The following RAB14 variants were observed in gnomAD, a reference collection of about 807,000 sequenced individuals.
The protein encoded by RAB14 is RAB14, member RAS oncogene family.
A neutral mutation model predicts 31.1 loss-of-function variants in RAB14; 3 were observed. The observed-to-expected ratio is 0.10, with a 90% CI of 0.04 to 0.25. The LOEUF is 0.25. Ranked by LOEUF, RAB14 falls within the 10% of genes least tolerant of loss-of-function variation. RAB14 has a pLI of 1.00. For synonymous variants in RAB14, 85 were observed against 84.9 expected, an observed-to-expected ratio of 1.00 and a Z score of 0.00; for missense variants, 111 against 260.1, an observed-to-expected ratio of 0.43 and a Z score of 3.94.
At chr9:121,199,053 T>C (rs1017703405) in intron 1 of RAB14, among the ~76,000 whole-genome samples, 28 of 152,326 alleles carry the variant, frequency 1.8e-4, no homozygotes, top group African/African-American at 6.5e-4. Flanking sequence ...GATGGTCTTC[T>C]ATATACAGGA....
intron 2 of RAB14, among the ~76,000 whole-genome samples, chr9:121,192,490 A>G (rs973079673): frequency 6.6e-6 from 1 of 152,028 alleles, no homozygotes; most frequent in Non-Finnish European, 1.5e-5. Flanking sequence ...TTTTTAATGG[A>G]ATTTTTTTTA....
intron 5 of RAB14, 27 bp from the exon 6 acceptor site, chr9:121,183,425 C>T: frequency 6.6e-7 from 1 of 1,508,512 alleles, no homozygotes; most frequent in Non-Finnish European, 9.1e-7. Flanking sequence ...AGAAAGACAC[C>T]TTGTAACAAA....
At chr9:121,197,365 T>C (rs866739253) in intron 1 of RAB14, among the ~76,000 whole-genome samples, 21 of 152,308 alleles carry the variant, frequency 1.4e-4, no homozygotes, top group Middle Eastern at 3.4e-3. Context: ...ACTGTGAAAA[T>C]ATACCATTTT....
chr9:121,196,902 A>G (rs1013859028), intron 1 of RAB14, among the ~76,000 whole-genome samples: 36 of 152,172 alleles, frequency 2.4e-4, no homozygotes, highest in African/African-American at 8.7e-4. Flanking sequence ...TATAATTCTT[A>G]CTTAATTCTC....
At chr9:121,199,758 T>G (rs1047351372) in intron 1 of RAB14, among the ~76,000 whole-genome samples, 7 of 152,318 alleles carry the variant, frequency 4.6e-5, no homozygotes, top group African/African-American at 1.7e-4. Flanking sequence ...GCCTAACACA[T>G]GCCAGCTACT....
At chr9:121,186,626 T>A (rs2053660650) in intron 5 of RAB14, among the ~76,000 whole-genome samples, 1 of 152,132 alleles carries the variant, frequency 6.6e-6, no homozygotes, top group African/African-American at 2.4e-5. Flanking sequence ...TTGCCCAGTA[T>A]CCTCCAATGC....
intron 4 of RAB14, among the ~76,000 whole-genome samples, chr9:121,188,252 G>C (rs2053668284): frequency 2.0e-5 from 3 of 151,736 alleles, no homozygotes; most frequent in Admixed American, 2.0e-4. Context: ...CGTATTATTG[G>C]CATATCTTGA....
intron 7 of RAB14, among the ~76,000 whole-genome samples, chr9:121,181,900 A>C (rs1341685659): frequency 1.3e-5 from 2 of 151,448 alleles, no homozygotes; most frequent in Non-Finnish European, 2.9e-5. Context: ...GGAGCACACC[A>C]CCACGCCCAG....
In RAB14 at chr9:121,187,029, TA is replaced by T; in HGVS notation, c.285-11del. On this transcript the variant is annotated splice_polypyrimidine_tract_variant and intron_variant, in intron 4 of 7. Transcript: ENST00000373840. The stretch of plus-strand genomic sequence containing the variant: ...GTTATATGTACTTCTTCTGCAAAAA[TA>T]AAAGTTTAAATTTGTGACTGCCATA... 6.5e-7 allele frequency: 1 copy of T among 1,528,488 alleles called. No homozygotes were observed. The allele number at this position is 1,528,488 out of a possible 1,614,324, so 94.7% of individuals were successfully genotyped here.
intron 1 of RAB14, among the ~76,000 whole-genome samples, chr9:121,196,384 TAAG>T (rs2053717133): frequency 1.3e-5 from 2 of 152,176 alleles, no homozygotes; most frequent in Non-Finnish European, 1.5e-5. Flanking sequence ...TGCAAACTAA[TAAG>T]AAATACAATT....
chr9:121,183,495 G>T, intron 5 of RAB14, 97 bp from the exon 6 acceptor site: 1 of 932,996 alleles, frequency 1.1e-6, no homozygotes, highest in Non-Finnish European at 1.7e-6. Context: ...TAGAAAAAAT[G>T]ACTGGGCCTA....
At chr9:121,193,804 C>T (rs1333835749) in intron 1 of RAB14, among the ~76,000 whole-genome samples, 1 of 152,064 alleles carries the variant, frequency 6.6e-6, no homozygotes, top group African/African-American at 2.4e-5. Flanking sequence ...CCCTTAAAGT[C>T]CCCTTCCCTG....
At chr9:121,192,749 T>G (rs545289614) in intron 2 of RAB14, among the ~76,000 whole-genome samples, 1 of 152,094 alleles carries the variant, frequency 6.6e-6, no homozygotes, top group South Asian at 2.1e-4. Flanking sequence ...GACTGTACTA[T>G]AGCAATGTTA....
In RAB14 at chr9:121,192,296, T is replaced by C. The variant is rs1011554235; in HGVS notation, c.53-72A>G. 8.4e-5 allele frequency: 99 copies of C among 1,171,636 alleles called. No homozygotes were observed. The African/African-American group carries it at 1.3e-3, about 16-fold the overall frequency. The allele number at this position is 1,171,636 out of a possible 1,614,324, so 72.6% of individuals were successfully genotyped here. A position where few individuals can be genotyped will look rare whatever the true frequency, so the allele number is the denominator to read the frequency against. On this transcript the variant is annotated intron_variant, in intron 2 of 7. Transcript: ENST00000373840. ...TTTATGCAATGATCGCTATATTCCT[T>C]ACCATATAACATATCACAAGTTTCT...
At chr9:121,183,579 C>A (rs1180608234) in intron 5 of RAB14, among the ~76,000 whole-genome samples, 181 bp from the exon 6 acceptor site, 1 of 152,116 alleles carries the variant, frequency 6.6e-6, no homozygotes. Flanking sequence ...TACAAAGGAC[C>A]TTAGCAATGA....
chr9:121,193,137 A>C (rs543770007), intron 2 of RAB14, among the ~76,000 whole-genome samples: 1 of 152,222 alleles, frequency 6.6e-6, no homozygotes, highest in South Asian at 2.1e-4. Flanking sequence ...AGAACAATGA[A>C]CATCACTTCA....
At chr9:121,186,121 T>C (rs1318759939) in intron 5 of RAB14, among the ~76,000 whole-genome samples, 3 of 152,094 alleles carry the variant, frequency 2.0e-5, no homozygotes, top group Non-Finnish European at 4.4e-5. Flanking sequence ...AAGTCACAGC[T>C]CAGTGTGTCT....
At chr9:121,201,472 C>T (rs563939789) in intron 1 of RAB14, among the ~76,000 whole-genome samples, 167 bp downstream of exon 1, 102 of 152,190 alleles carry the variant, frequency 6.7e-4, no homozygotes, top group South Asian at 2.5e-3. Flanking sequence ...CAGGCCGGCG[C>T]CGCGGCGCTC....
At chr9:121,194,088 T>C (rs1165546014) in intron 1 of RAB14, among the ~76,000 whole-genome samples, 2 of 67,054 alleles carry the variant, frequency 3.0e-5, no homozygotes, top group Admixed American at 2.1e-4. Flanking sequence ...ACTTGCAGAT[T>C]ATCACTCACA....
Sources: gnomAD v4.1 joint callset for allele counts (sites outside exome capture counted in the v4.1 genomes callset) on GRCh38, gnomAD v4.1.1 for gene constraint, MANE v1.5 for transcripts, NCBI Gene and HGNC (gene_info 2026-07-23, HGNC 2026-07-21) for gene names.